The following ABTB3 variants were observed in gnomAD, a reference collection of about 807,000 sequenced individuals.
The protein encoded by ABTB3 is ankyrin repeat and BTB domain containing 3.
the ABTB3 span, chr12:107,618,486 A>G: frequency 1.1e-6 from 1 of 920,418 alleles, no homozygotes; most frequent in Non-Finnish European, 1.6e-6. Context: ...AAACACGCAC[A>G]TGCACACACA....
At chr12:107,480,042 A>G in the ABTB3 span, among the ~76,000 whole-genome samples, 1 of 152,200 alleles carries the variant, frequency 6.6e-6, no homozygotes, top group African/African-American at 2.4e-5. Flanking sequence ...ATAGTGGCAC[A>G]TGCTATAGGG....
chr12:107,632,171 GAC>G, the ABTB3 span, among the ~76,000 whole-genome samples: 1 of 152,104 alleles, frequency 6.6e-6, no homozygotes, highest in South Asian at 2.1e-4. Context: ...CACACTGCAG[GAC>G]ACCTCTTCCA....
chr12:107,393,849 G>C, the ABTB3 span, among the ~76,000 whole-genome samples: 1 of 152,152 alleles, frequency 6.6e-6, no homozygotes, highest in African/African-American at 2.4e-5. Context: ...AGAATGGTGT[G>C]AACCTGGGAG....
At chr12:107,348,160 AT>A in the ABTB3 span, among the ~76,000 whole-genome samples, 1 of 152,104 alleles carries the variant, frequency 6.6e-6, no homozygotes, top group African/African-American at 2.4e-5. Context: ...TTTTATTTAT[AT>A]GTACTAATAT....
the ABTB3 span, among the ~76,000 whole-genome samples, chr12:107,448,681 C>T: frequency 6.6e-6 from 1 of 151,308 alleles, no homozygotes; most frequent in South Asian, 2.1e-4. Context: ...AGCTCTGTCA[C>T]CCAGGCTGGA....
the ABTB3 span, among the ~76,000 whole-genome samples, chr12:107,558,779 C>A: frequency 5.3e-5 from 8 of 152,294 alleles, no homozygotes; most frequent in African/African-American, 1.7e-4. Flanking sequence ...TTAAACTTCA[C>A]AGTCATTCTC....
chr12:107,563,379 G>A, the ABTB3 span, among the ~76,000 whole-genome samples: 3 of 152,142 alleles, frequency 2.0e-5, no homozygotes, highest in Admixed American at 1.3e-4. Flanking sequence ...CGAAGTTCTG[G>A]GGAGATAGCA....
chr12:107,579,491 G>A, the ABTB3 span, among the ~76,000 whole-genome samples: 2 of 152,194 alleles, frequency 1.3e-5, no homozygotes, highest in African/African-American at 4.8e-5. Flanking sequence ...CTAGCACAGA[G>A]GTTGGTCCTA....
chr12:107,440,050 G>A, the ABTB3 span, among the ~76,000 whole-genome samples: 1 of 152,146 alleles, frequency 6.6e-6, no homozygotes, highest in Admixed American at 6.5e-5. Context: ...CTGGTTATTA[G>A]AAGTCTTGTC....
chr12:107,470,552 G>A, the ABTB3 span, among the ~76,000 whole-genome samples: 1 of 152,202 alleles, frequency 6.6e-6, no homozygotes, highest in African/African-American at 2.4e-5. Flanking sequence ...CACGGTGTGG[G>A]CAGTGCAGCC....
At chr12:107,581,616 G>C in the ABTB3 span, among the ~76,000 whole-genome samples, 1 of 152,178 alleles carries the variant, frequency 6.6e-6, no homozygotes, top group African/African-American at 2.4e-5. Flanking sequence ...TCCTCCCCCA[G>C]TAAAATCCGG....
chr12:107,546,513 T>A, the ABTB3 span, among the ~76,000 whole-genome samples: 1 of 152,244 alleles, frequency 6.6e-6, no homozygotes, highest in African/African-American at 2.4e-5. Context: ...CCTTCCCTGC[T>A]AGACCACTGC....
the ABTB3 span, chr12:107,617,061 C>T: frequency 7.9e-4 from 1,276 of 1,606,688 alleles, 18 homozygotes; most frequent in East Asian, 0.025. Context: ...CTCCTCTCAC[C>T]GTCTCAATGG....
chr12:107,442,260 A>G, the ABTB3 span, among the ~76,000 whole-genome samples: 1 of 152,190 alleles, frequency 6.6e-6, no homozygotes, highest in Non-Finnish European at 1.5e-5. Context: ...CTTTTTTTCA[A>G]TTAAGCAAGA....
At chr12:107,472,822 T>C in the ABTB3 span, among the ~76,000 whole-genome samples, 1 of 152,124 alleles carries the variant, frequency 6.6e-6, no homozygotes, top group South Asian at 2.1e-4. Context: ...GATTTAAGCA[T>C]TGAGGGTCCC....
At chr12:107,397,888 G>A in the ABTB3 span, among the ~76,000 whole-genome samples, 18 of 152,018 alleles carry the variant, frequency 1.2e-4, no homozygotes, top group Non-Finnish European at 2.4e-4. Flanking sequence ...GTCTTGTAAC[G>A]GCACCTCCGT....
At chr12:107,397,384 C>A in the ABTB3 span, among the ~76,000 whole-genome samples, 1 of 152,108 alleles carries the variant, frequency 6.6e-6, no homozygotes, top group Non-Finnish European at 1.5e-5. Flanking sequence ...AACATTACAC[C>A]ATGTTTTCTG....
chr12:107,559,876 A>G, the ABTB3 span, among the ~76,000 whole-genome samples: 1 of 151,884 alleles, frequency 6.6e-6, no homozygotes, highest in Non-Finnish European at 1.5e-5. Context: ...CTGAAAAGTT[A>G]TATATGCTTG....
At chr12:107,360,952 T>TTTTTTG in the ABTB3 span, among the ~76,000 whole-genome samples, 220 of 146,390 alleles carry the variant, frequency 1.5e-3, 4 homozygotes, top group African/African-American at 5.4e-3. Flanking sequence ...TTTTTTTTTT[T>TTTTTTG]GTAGAAACAG....
Sources: allele counts gnomAD v4.1 joint callset (sites outside exome capture counted in the v4.1 genomes callset), GRCh38; gene constraint gnomAD v4.1.1; transcripts MANE v1.5; gene names NCBI Gene and HGNC (gene_info 2026-07-23, HGNC 2026-07-21).